The following CEP350 variants were observed in gnomAD, a reference collection of about 807,000 sequenced individuals.
CEP350 encodes the protein centrosomal protein 350.
CEP350 carries 126 observed loss-of-function variants against 331.8 expected under a neutral mutation model. That is an observed-to-expected ratio of 0.38 (90% confidence interval 0.33 to 0.44). The LOEUF (loss-of-function observed/expected upper bound fraction) is 0.44. CEP350 is among the 20% of genes least tolerant of loss of function. CEP350 has a pLI of 1.00. For synonymous variants in CEP350, 1,200 were observed against 1,259.5 expected, an observed-to-expected ratio of 0.95 and a Z score of 1.00; for missense variants, 3,406 against 3,634.6, an observed-to-expected ratio of 0.94 and a Z score of 1.62.
At chr1:180,011,690 T>C (rs1388721493) in intron 8 of CEP350, among the ~76,000 whole-genome samples, 1 of 152,214 alleles carries the variant, frequency 6.6e-6, no homozygotes, top group Non-Finnish European at 1.5e-5. Flanking sequence ...TTAGGAATCA[T>C]TATTTGGTAC....
chr1:179,987,066 G>A (rs1652691488), intron 2 of CEP350, among the ~76,000 whole-genome samples, 174 bp from the exon 3 acceptor site: 1 of 152,068 alleles, frequency 6.6e-6, no homozygotes, highest in Non-Finnish European at 1.5e-5. Context: ...TAATCTTATA[G>A]ATAAAAACCC....
At chr1:180,109,095 A>G (rs959285004) in intron 37 of CEP350, among the ~76,000 whole-genome samples, 1 of 151,088 alleles carries the variant, frequency 6.6e-6, no homozygotes, top group Admixed American at 6.6e-5. Context: ...AAGGCAAACC[A>G]GAGTACAAGT....
At chr1:180,042,165 C>CACACACAT (rs1553258539) in intron 19 of CEP350, among the ~76,000 whole-genome samples, 1 of 151,520 alleles carries the variant, frequency 6.6e-6, no homozygotes, top group South Asian at 2.1e-4. Flanking sequence ...CACACACACA[C>CACACACAT]ACATCTCCCT....
At chr1:179,979,389 T>G (rs959904135) in intron 1 of CEP350, among the ~76,000 whole-genome samples, 3 of 113,726 alleles carry the variant, frequency 2.6e-5, no homozygotes, top group Admixed American at 1.1e-4. Flanking sequence ...TTATTTGGGG[T>G]GTTTTTTTTT....
chr1:180,078,770 C>T (rs1025792515), intron 29 of CEP350, 96 bp downstream of exon 29: 44 of 974,146 alleles, frequency 4.5e-5, no homozygotes, highest in Non-Finnish European at 6.1e-5. Flanking sequence ...ACAGTGTTAA[C>T]TGTCACCATA....
chr1:180,108,702 G>T (rs537532293), intron 37 of CEP350, among the ~76,000 whole-genome samples: 1 of 152,248 alleles, frequency 6.6e-6, no homozygotes, highest in South Asian at 2.1e-4. Context: ...TTCCATGGTA[G>T]GTTGACAAGT....
chr1:180,048,116 G>C (rs1657251160), intron 21 of CEP350, among the ~76,000 whole-genome samples: 1 of 152,140 alleles, frequency 6.6e-6, no homozygotes, highest in East Asian at 1.9e-4. Flanking sequence ...TATTGGATTT[G>C]GCAATTCAAA....
chr1:180,099,654 T>C lies in CEP350; in HGVS notation c.9189+669T>C, dbSNP rs527479211. Among the ~76,000 whole-genome samples the C allele has an allele frequency of 2.2e-3, 335 of 152,324 alleles. 1 individual carries two copies. Among genetic ancestry groups the C allele is most frequent in the African/African-American group, 7.0e-3 (291 of 41,578 alleles). ...TTGACATTTATATAATGAAAAAAAG[T>C]GTAATACTTAAATTTATCACCGTTC... On this transcript the variant is annotated intron_variant, in intron 37 of 37. Transcript: ENST00000367607.
rs1194817046 is a variant in CEP350 at position 180,094,060 on chromosome 1, A to T, written c.7955A>T (p.His2652Leu). Reference sequence around the variant, plus strand: ...TCTGGGGTACTTGAAGCCCATGTTCACCAGCAGTCTTCAGTGGATTCACAG... The same window carrying T: ...TCTGGGGTACTTGAAGCCCATGTTCTCCAGCAGTCTTCAGTGGATTCACAG... ...DISGVLEAHV[H>L]QQSSVDSQIS... The change falls in exon 34 of 38, where the codon CAC (histidine) becomes CTC (leucine). Residue 2652 changes from histidine (H) to leucine (L), a missense_variant. By Grantham distance (99) the His-to-Leu change is moderately conservative. Around this residue, in one of 5 missense-constraint regions of CEP350, gnomAD observed 1,415 missense variants for 1,512.3 expected, o/e 0.94. Coordinates refer to ENST00000367607, the MANE Select transcript of CEP350 (RefSeq NM_014810.5). 1 of 1,613,902 alleles carries T rather than the reference A, an allele frequency of 6.2e-7. No homozygotes were observed. Among genetic ancestry groups the T allele is most frequent in the East Asian group, 2.2e-5 (1 of 44,872 alleles).
At chr1:180,105,909 G>T (rs1293000295) in intron 37 of CEP350, among the ~76,000 whole-genome samples, 1 of 152,144 alleles carries the variant, frequency 6.6e-6, no homozygotes, top group African/African-American at 2.4e-5. Context: ...CATTATTTGA[G>T]GTGAATAAAA....
chr1:179,955,751 C>A (rs765223999), intron 1 of CEP350, among the ~76,000 whole-genome samples: 1 of 152,102 alleles, frequency 6.6e-6, no homozygotes, highest in Non-Finnish European at 1.5e-5. Flanking sequence ...TTGGAATTTG[C>A]CTGGATTTTA....
At chr1:180,012,211 A>AG in intron 9 of CEP350, 136 bp downstream of exon 9, 1 of 743,986 alleles carries the variant, frequency 1.3e-6, no homozygotes, top group Non-Finnish European at 2.2e-6. Flanking sequence ...AAAGAAAAAA[A>AG]TGTTCTATTG....
chr1:179,995,612 A>G (rs947739641), intron 5 of CEP350, among the ~76,000 whole-genome samples: 9 of 152,164 alleles, frequency 5.9e-5, no homozygotes, highest in Non-Finnish European at 1.2e-4. Flanking sequence ...TCAAAAATCA[A>G]TCAATCAATC....
chr1:180,062,703 T>C (rs1658299831), intron 26 of CEP350, among the ~76,000 whole-genome samples: 2 of 152,302 alleles, frequency 1.3e-5, no homozygotes, highest in Admixed American at 1.3e-4. Flanking sequence ...ACAAGGGGGC[T>C]GAGTGTGCTA....
chr1:179,980,043 A>G (rs746637661), intron 1 of CEP350, among the ~76,000 whole-genome samples: 1 of 152,076 alleles, frequency 6.6e-6, no homozygotes, highest in Admixed American at 6.6e-5. Context: ...TATGGATTTC[A>G]GGATTGTTTT....
intron 31 of CEP350, among the ~76,000 whole-genome samples, chr1:180,085,279 G>A (rs1382592261): frequency 1.3e-5 from 2 of 152,114 alleles, no homozygotes; most frequent in African/African-American, 4.8e-5. Flanking sequence ...TTCTGAGTCT[G>A]TCCCAGGCTG....
chr1:179,992,019 G>GT, intron 4 of CEP350, 43 bp from the exon 5 acceptor site: 1 of 1,474,596 alleles, frequency 6.8e-7, no homozygotes, highest in African/African-American at 1.5e-5. Context: ...AGAGGCAGTT[G>GT]TATTTTATAT....
At chr1:180,003,357 A>G (rs1283287904) in intron 7 of CEP350, 70 bp downstream of exon 7, 6 of 1,014,212 alleles carry the variant, frequency 5.9e-6, no homozygotes, top group Non-Finnish European at 8.7e-6. Flanking sequence ...ATATTTACAC[A>G]TAAAATTGTC....
chr1:179,975,440 T>A (rs1651786423), intron 1 of CEP350, among the ~76,000 whole-genome samples: 1 of 152,132 alleles, frequency 6.6e-6, no homozygotes, highest in African/African-American at 2.4e-5. Flanking sequence ...AGGAGCAGGA[T>A]AATTTAGGAA....
Sources: gnomAD v4.1 joint callset for allele counts (sites outside exome capture counted in the v4.1 genomes callset) on GRCh38, gnomAD v4.1.1 for gene constraint, gnomAD v4.1.1 regional missense constraint, MANE v1.5 for transcripts, NCBI Gene and HGNC (gene_info 2026-07-23, HGNC 2026-07-21) for gene names.